Variants in GDA observed in about 807,000 individuals in gnomAD.
GDA encodes guanine deaminase, also known as cytoplasmic PSD-95 interactor.
Under a neutral mutation model 59.6 loss-of-function variants are expected in GDA, and 18 were observed. That is an observed-to-expected ratio of 0.30 (90% CI 0.21 to 0.45). The LOEUF (loss-of-function observed/expected upper bound fraction) is 0.45. Among genes scored for constraint, GDA ranks in the 20% least tolerant of loss-of-function variants. GDA has a pLI of 1.00. For missense variants in GDA, 427 were observed against 552.3 expected (o/e 0.77, Z 2.27); for synonymous variants, 201 against 201.1 (o/e 1.00, Z 0.00).
At chr9:72,236,675 A>C (rs1839028399) in intron 10 of GDA, among the ~76,000 whole-genome samples, 1 of 151,960 alleles carries the variant, frequency 6.6e-6, no homozygotes, top group Admixed American at 6.6e-5. Flanking sequence ...TTGGCCATAG[A>C]CCGTCCTGTA....
chr9:72,213,783 A>G, intron 4 of GDA, 103 bp from the exon 5 acceptor site: 2 of 659,968 alleles, frequency 3.0e-6, no homozygotes, highest in Admixed American at 2.6e-5. Flanking sequence ...GGCCTGGGCT[A>G]AACAGCGGGA....
Position 72,250,110 on chromosome 9 carries a change from C to T in GDA, c.*1768C>T. ...CTGAGCCACGTCAAAGATGCCTTGC[C>T]AAATTTCTCCCCATTTCTCTACGGG... On this transcript the variant is annotated 3_prime_UTR_variant, in exon 14 of 14. Transcript: ENST00000358399. 1 of 985,014 alleles carries T rather than the reference C, an allele frequency of 1.0e-6. No individual in the cohort carries two copies. Among genetic ancestry groups the T allele is most frequent in the South Asian group, 4.7e-5 (1 of 21,274 alleles). 61.0% of individuals were successfully genotyped at this position (985,014 alleles called of 1,614,324 possible).
intron 5 of GDA, among the ~76,000 whole-genome samples, chr9:72,217,242 G>C (rs1363210387): frequency 6.6e-6 from 1 of 152,178 alleles, no homozygotes; most frequent in Non-Finnish European, 1.5e-5. Context: ...TGAGTAGAAA[G>C]TGATTAGATT....
intron 4 of GDA, among the ~76,000 whole-genome samples, chr9:72,212,738 G>A (rs974188110): frequency 6.6e-6 from 1 of 152,072 alleles, no homozygotes; most frequent in Non-Finnish European, 1.5e-5. Context: ...AGAGGACCAT[G>A]ATAGAGAGAG....
Position 72,129,618 on chromosome 9 carries a change from T to C in GDA, c.-100+14785T>C, listed in dbSNP as rs576046788. Among the ~76,000 whole-genome samples the C allele has an allele frequency of 7.2e-4, 110 of 152,284 alleles. 1 individual carries two copies. Among genetic ancestry groups the C allele is most frequent in the African/African-American group, 2.6e-3 (107 of 41,568 alleles). On this transcript the variant is annotated intron_variant, in intron 1 of 13. Coordinates refer to the GDA transcript ENST00000545168. Reference sequence around the variant, plus strand: ...TCCCATATTCTGGCCTTCAATCTTATAGTTCCACAGATGCAGTATTGCCAG... The same window carrying C: ...TCCCATATTCTGGCCTTCAATCTTACAGTTCCACAGATGCAGTATTGCCAG...
At position 72,248,656 on chromosome 9, in the gene GDA, C is replaced by A; in HGVS notation, c.*314C>A. 1 of 1,056,804 alleles carries A rather than the reference C, an allele frequency of 9.5e-7. No individual in the cohort carries two copies. Among genetic ancestry groups the A allele is most frequent in the Non-Finnish European group, 1.1e-6 (1 of 875,358 alleles). The allele number at this position is 1,056,804 out of a possible 1,614,324, so 65.5% of individuals were successfully genotyped here. ...GGTAAGACTTAAGCAAAGCCTTTTT[C>A]ATATTTGAAAATGTGGAAAGAAAAG... is the stretch of plus-strand genomic sequence containing the variant. On this transcript the variant is annotated 3_prime_UTR_variant, in exon 14 of 14. Coordinates refer to ENST00000358399, the MANE Select transcript of GDA (RefSeq NM_004293.5).
chr9:72,209,994 T>C (rs1438978296), intron 3 of GDA, among the ~76,000 whole-genome samples: 1 of 152,026 alleles, frequency 6.6e-6, no homozygotes, highest in East Asian at 1.9e-4. Flanking sequence ...CTATAAAGAG[T>C]AAATCTCTCT....
chr9:72,141,992 T>A (rs188447864), intron 1 of GDA, among the ~76,000 whole-genome samples: 1 of 152,336 alleles, frequency 6.6e-6, no homozygotes, highest in Non-Finnish European at 1.5e-5. Context: ...CTTAGGAGGA[T>A]TGTTCAACAA....
chr9:72,200,207 A>G (rs1424392621), intron 2 of GDA, among the ~76,000 whole-genome samples: 3 of 151,988 alleles, frequency 2.0e-5, no homozygotes, highest in East Asian at 3.9e-4. Flanking sequence ...CGTGTTAGCC[A>G]GGATGGTCTC....
At chr9:72,134,005 A>G (rs1210977822) in intron 1 of GDA, among the ~76,000 whole-genome samples, 2 of 152,232 alleles carry the variant, frequency 1.3e-5, no homozygotes, top group African/African-American at 4.8e-5. Context: ...GTAAGAACCT[A>G]TCAGATTCTC....
In GDA at chr9:72,250,873, A is replaced by G; in HGVS notation, c.*2531A>G. 6.3e-7 allele frequency: 1 copy of G among 1,583,088 alleles called. No homozygotes were observed. Among genetic ancestry groups the G allele is most frequent in the Non-Finnish European group, 8.6e-7 (1 of 1,156,930 alleles). ...ACAATTCAAAAGTATCGATTATCAT[A>G]AATTCACAAAATATTTTTGCAACCA... On this transcript the variant is annotated 3_prime_UTR_variant, in exon 14 of 14. Transcript: ENST00000358399.
At chr9:72,175,270 G>C (rs988223441) in intron 1 of GDA, among the ~76,000 whole-genome samples, 1 of 152,092 alleles carries the variant, frequency 6.6e-6, no homozygotes, top group Non-Finnish European at 1.5e-5. Context: ...GAGCTCAAGC[G>C]ATCTTCCTGC....
At chr9:72,149,812 G>C (rs1826929891) in intron 1 of GDA, 130 bp downstream of exon 1, 1 of 959,858 alleles carries the variant, frequency 1.0e-6, no homozygotes, top group East Asian at 3.2e-5. Context: ...AGTTGAACTT[G>C]AGTCTTTGGC....
chr9:72,161,563 G>C (rs1297440400), intron 1 of GDA, among the ~76,000 whole-genome samples: 3 of 152,122 alleles, frequency 2.0e-5, no homozygotes, highest in Non-Finnish European at 4.4e-5. Context: ...ACCTCATGAA[G>C]TTCTCAAAGG....
chr9:72,245,588 A>T (rs1003379264), intron 12 of GDA, among the ~76,000 whole-genome samples: 16 of 152,192 alleles, frequency 1.1e-4, no homozygotes, highest in Non-Finnish European at 2.1e-4. Context: ...AGGCACTTCC[A>T]TACCTAATTT....
chr9:72,254,297 G>A (rs189377125), downstream of GDA, among the ~76,000 whole-genome samples: 12 of 152,072 alleles, frequency 7.9e-5, no homozygotes, highest in East Asian at 9.6e-4. Flanking sequence ...TTGTTCATGC[G>A]TCTATAATAG....
In GDA at chr9:72,182,288, A is replaced by G. The variant is rs181966022; in HGVS notation, c.124-13212A>G. The stretch of plus-strand genomic sequence containing the variant: ...AATCCACTCCAGAACCACAGGCTCC[A>G]TTTATGTATCACATTCCTTTAGTTG... On this transcript the variant is annotated intron_variant, in intron 1 of 13. Transcript: ENST00000358399. 1.8e-3 allele frequency among the ~76,000 whole-genome samples: 279 copies of G among 152,308 alleles called. 2 individuals are homozygous for G. In the South Asian group the frequency reaches 0.019, roughly 11 times the overall value.
At chr9:72,157,889 C>T (rs1828115212) in intron 1 of GDA, among the ~76,000 whole-genome samples, 1 of 152,198 alleles carries the variant, frequency 6.6e-6, no homozygotes, top group Non-Finnish European at 1.5e-5. Context: ...CATATTGTAT[C>T]CATGAGCCAA....
chr9:72,253,647 T>C (rs1026648325), downstream of GDA: 2 of 152,192 alleles, frequency 1.3e-5, no homozygotes, highest in Admixed American at 6.5e-5. Context: ...ATGAAACTGC[T>C]TCCCACAAAT....
Sources: allele counts gnomAD v4.1 joint callset (sites outside exome capture counted in the v4.1 genomes callset), GRCh38; gene constraint gnomAD v4.1.1; transcripts MANE v1.5; gene names NCBI Gene and HGNC (gene_info 2026-07-23, HGNC 2026-07-21).